The following NFIB variants were observed in gnomAD, a reference collection of about 807,000 sequenced individuals.
NFIB encodes the protein nuclear factor 1 B-type.
In NFIB, 11 loss-of-function variants were observed where a neutral mutation model predicts 61.5. The ratio of observed to expected loss-of-function variants is 0.18; its 90% confidence interval spans 0.11 to 0.30. NFIB has a LOEUF of 0.30. Ranked by LOEUF, NFIB falls within the 10% of genes least tolerant of loss-of-function variation. The probability of loss-of-function intolerance (pLI) is 1.00; values close to 1 mark genes in which losing one functional copy is unlikely to be tolerated. For missense variants in NFIB, 471 were observed against 608.9 expected (o/e 0.77, Z 2.38); for synonymous variants, 260 against 216.5 (o/e 1.20, Z -1.76).
rs979432059 is a variant in NFIB, at chr9:14,279,591, T to C, written c.562+27398A>G. Among the ~76,000 whole-genome samples, 18 of 152,312 alleles carry C rather than the reference T, an allele frequency of 1.2e-4. No individual in the cohort carries two copies. In the East Asian group the frequency reaches 2.1e-3, roughly 18 times the overall value. The stretch of plus-strand genomic sequence containing the variant: ...CAGACAATAAAACATAAATCTAATT[T>C]GAAGGATGTTGCTCATCTACAACTC... On this transcript the variant is annotated intron_variant, in intron 2 of 10. Coordinates refer to ENST00000380953, the MANE Select transcript of NFIB (RefSeq NM_001190737.2).
At chr9:14,405,722 A>T in the NFIB span, among the ~76,000 whole-genome samples, 2 of 152,230 alleles carry the variant, frequency 1.3e-5, no homozygotes, top group Non-Finnish European at 2.9e-5. Flanking sequence ...ACTGCTTCCA[A>T]AAAAACAGTA....
At chr9:14,405,133 T>C in the NFIB span, among the ~76,000 whole-genome samples, 2 of 152,350 alleles carry the variant, frequency 1.3e-5, no homozygotes, top group African/African-American at 4.8e-5. Context: ...CACTGGATTC[T>C]CCATAATCTC....
At chr9:14,444,777 CAAGAA>C in the NFIB span, among the ~76,000 whole-genome samples, 2 of 152,094 alleles carry the variant, frequency 1.3e-5, no homozygotes, top group Non-Finnish European at 2.9e-5. Context: ...ATAATTTAGA[CAAGAA>C]AAATAAGCTT....
intron 1 of NFIB, among the ~76,000 whole-genome samples, chr9:14,344,276 G>A (rs919769956): frequency 6.6e-6 from 1 of 152,006 alleles, no homozygotes; most frequent in African/African-American, 2.4e-5. Flanking sequence ...GGCCGAGAGA[G>A]GGGGGTGATG....
intron 2 of NFIB, among the ~76,000 whole-genome samples, chr9:14,303,213 T>C (rs995561168): frequency 7.2e-5 from 11 of 152,222 alleles, no homozygotes; most frequent in African/African-American, 2.7e-4. Context: ...AGAAATTGCA[T>C]AGCAAATAAG....
At chr9:14,250,359 G>C (rs2055454544) in intron 2 of NFIB, among the ~76,000 whole-genome samples, 1 of 152,158 alleles carries the variant, frequency 6.6e-6, no homozygotes, top group African/African-American at 2.4e-5. Flanking sequence ...GAGAGAAATT[G>C]TACCATTTCT....
chr9:14,361,717 GAAAAAATGAAAGCTTAGTTTTAGGA>G (rs2061243495), intron 1 of NFIB: 1 of 152,058 alleles, frequency 6.6e-6, no homozygotes, highest in Non-Finnish European at 1.5e-5. Flanking sequence ...AAGAAAACAT[GAAAAAATGAAAGCTTAGTTTTAGGA>G]TTTCCCATTT....
chr9:14,479,295 ATCT>A, the NFIB span, among the ~76,000 whole-genome samples: 2 of 152,174 alleles, frequency 1.3e-5, no homozygotes, highest in Non-Finnish European at 2.9e-5. Context: ...CAGTGACATC[ATCT>A]TCTTCTTTAT....
intron 2 of NFIB, among the ~76,000 whole-genome samples, chr9:14,233,268 C>T (rs942109767): frequency 6.6e-6 from 1 of 152,012 alleles, no homozygotes; most frequent in African/African-American, 2.4e-5. Flanking sequence ...CTATTTATAT[C>T]CCTTCATGAG....
At chr9:14,500,904 C>T in the NFIB span, among the ~76,000 whole-genome samples, 1 of 152,186 alleles carries the variant, frequency 6.6e-6, no homozygotes, top group African/African-American at 2.4e-5. Flanking sequence ...TCTGAAATGT[C>T]AGCCTCTCTC....
At chr9:14,511,208 C>G in the NFIB span, among the ~76,000 whole-genome samples, 1 of 152,064 alleles carries the variant, frequency 6.6e-6, no homozygotes, top group Non-Finnish European at 1.5e-5. Flanking sequence ...AAAAAAGTAA[C>G]TAATTGGTTA....
At position 14,187,005 on chromosome 9, in the gene NFIB, C is replaced by G. The variant is rs905324398; in HGVS notation, c.563-7225G>C. Among the ~76,000 whole-genome samples, 452 of 64,134 alleles carry G rather than the reference C, an allele frequency of 7.0e-3. 5 individuals are homozygous for G. Among genetic ancestry groups the G allele is most frequent in the African/African-American group, 0.017 (434 of 25,082 alleles). The allele number at this position is 64,134 out of a possible 152,430, so 42.1% of individuals were successfully genotyped here. On this transcript the variant is annotated intron_variant, in intron 2 of 10. Transcript: ENST00000380953. ...TCTCTCCCTCCTTCATTCTTCGCTC[C>G]TGTGTGTGTGTGTGTGTGTGTATGT...
At chr9:14,520,393 C>A in the NFIB span, among the ~76,000 whole-genome samples, 1 of 152,134 alleles carries the variant, frequency 6.6e-6, no homozygotes, top group African/African-American at 2.4e-5. Flanking sequence ...GAACACAGAC[C>A]CAGCCCGGCA....
intron 2 of NFIB, among the ~76,000 whole-genome samples, chr9:14,291,544 A>T (rs2059102139): frequency 6.6e-6 from 1 of 152,172 alleles, no homozygotes; most frequent in Non-Finnish European, 1.5e-5. Flanking sequence ...TTCCCCTTGT[A>T]AATTTCATAT....
In NFIB at chr9:14,150,131, C is replaced by T. The variant is rs1563836844; in HGVS notation, c.806+14G>A. On this transcript the variant is annotated intron_variant, in intron 5 of 10. Coordinates refer to ENST00000380953, the MANE Select transcript of NFIB (RefSeq NM_001190737.2). Reference sequence around the variant, plus strand: ...TGTATCACTTGAGAATATGAGCAGCCCTTCTTTCAGTACCTGCTTGGTGGA... The same window carrying T: ...TGTATCACTTGAGAATATGAGCAGCTCTTCTTTCAGTACCTGCTTGGTGGA... The T allele has an allele frequency of 6.2e-7, 1 of 1,612,966 alleles. No homozygotes were observed. The highest frequency in any genetic ancestry group is 2.2e-5 in the East Asian group (1 of 44,836).
chr9:14,287,287 T>A (rs1011228651), intron 2 of NFIB, among the ~76,000 whole-genome samples: 2 of 151,320 alleles, frequency 1.3e-5, no homozygotes, highest in Non-Finnish European at 2.9e-5. Flanking sequence ...AAAAATTAGC[T>A]GGGCGTGGTG....
the NFIB span, among the ~76,000 whole-genome samples, chr9:14,456,466 C>G: frequency 6.6e-6 from 1 of 152,126 alleles, no homozygotes; most frequent in African/African-American, 2.4e-5. Context: ...TCTCTAATAT[C>G]CAAAGAACTT....
At chr9:14,130,808 G>GA (rs2040314390) in intron 6 of NFIB, among the ~76,000 whole-genome samples, 1 of 152,130 alleles carries the variant, frequency 6.6e-6, no homozygotes, top group Non-Finnish European at 1.5e-5. Context: ...TGCAGGATGA[G>GA]AAAAATAACC....
upstream of NFIB, among the ~76,000 whole-genome samples, chr9:14,399,622 A>C (rs1467697831): frequency 6.6e-6 from 1 of 152,204 alleles, no homozygotes; most frequent in East Asian, 1.9e-4. Context: ...AGAAGAGTTA[A>C]GTTTACTTAG....
Sources: allele counts gnomAD v4.1 joint callset (sites outside exome capture counted in the v4.1 genomes callset), GRCh38; gene constraint gnomAD v4.1.1; transcripts MANE v1.5; gene names NCBI Gene and HGNC (gene_info 2026-07-23, HGNC 2026-07-21).